RAP1GDS1: variants seen among roughly 807,000 people sequenced by gnomAD.
The protein encoded by RAP1GDS1 is RAP1, GTP-GDP dissociation stimulator 1.
RAP1GDS1 carries 35 observed loss-of-function variants against 71.1 expected under a neutral mutation model. The observed-to-expected ratio is 0.49, with a 90% CI of 0.38 to 0.65. The LOEUF (loss-of-function observed/expected upper bound fraction) is 0.65. RAP1GDS1 is among the 30% of genes least tolerant of loss of function. The pLI is 0.00. For synonymous variants in RAP1GDS1, 229 were observed against 243.1 expected, an observed-to-expected ratio of 0.94 and a Z score of 0.54; for missense variants, 663 against 706.1, an observed-to-expected ratio of 0.94 and a Z score of 0.69.
intron 1 of RAP1GDS1, among the ~76,000 whole-genome samples, chr4:98,274,177 A>C (rs1723880559): frequency 6.6e-6 from 1 of 152,164 alleles, no homozygotes; most frequent in African/African-American, 2.4e-5. Flanking sequence ...AATTTGCAGC[A>C]AATTTTAATT....
At chr4:98,281,295 C>A (rs976825418) in intron 1 of RAP1GDS1, among the ~76,000 whole-genome samples, 1 of 151,972 alleles carries the variant, frequency 6.6e-6, no homozygotes, top group East Asian at 1.9e-4. Context: ...TGTTGAGCAG[C>A]GGTTTGTAGT....
At chr4:98,355,873 A>G (rs1381482842) in intron 4 of RAP1GDS1, among the ~76,000 whole-genome samples, 1 of 152,118 alleles carries the variant, frequency 6.6e-6, no homozygotes, top group East Asian at 1.9e-4. Flanking sequence ...GTTGCTGATG[A>G]ACTTTTTGAA....
intron 1 of RAP1GDS1, among the ~76,000 whole-genome samples, chr4:98,282,762 T>C (rs1725338469): frequency 6.6e-6 from 1 of 152,208 alleles, no homozygotes; most frequent in Non-Finnish European, 1.5e-5. Context: ...CATTTAGTGC[T>C]ATACATTTCC....
chr4:98,415,016 TTGTC>T (rs1747723628), intron 7 of RAP1GDS1, among the ~76,000 whole-genome samples: 1 of 151,772 alleles, frequency 6.6e-6, no homozygotes, highest in East Asian at 1.9e-4. Context: ...GGCTCTCTGT[TTGTC>T]TGTTGTTGGT....
chr4:98,433,891 T>C, intron 12 of RAP1GDS1, 45 bp from the exon 13 acceptor site: 1 of 1,537,322 alleles, frequency 6.5e-7, no homozygotes, highest in South Asian at 1.2e-5. Flanking sequence ...ATGTTCCTTA[T>C]GTTTAAAATT....
intron 4 of RAP1GDS1, among the ~76,000 whole-genome samples, chr4:98,366,676 A>G (rs1216371339): frequency 6.6e-6 from 1 of 152,156 alleles, no homozygotes; most frequent in Admixed American, 6.5e-5. Flanking sequence ...TCAGATAGAA[A>G]TGAAAAACTT....
chr4:98,338,588 AACC>A (rs1735063083), intron 2 of RAP1GDS1, among the ~76,000 whole-genome samples: 2 of 152,094 alleles, frequency 1.3e-5, no homozygotes, highest in African/African-American at 4.8e-5. Context: ...CTTCAGTGAA[AACC>A]TGTCTTCTCA....
intron 12 of RAP1GDS1, among the ~76,000 whole-genome samples, chr4:98,425,487 G>T (rs1167574457): frequency 1.3e-5 from 2 of 152,114 alleles, no homozygotes; most frequent in Non-Finnish European, 2.9e-5. Flanking sequence ...GCCTTTAAGA[G>T]ACTTACCCAA....
At chr4:98,292,786 CTT>C (rs1227537346) in intron 1 of RAP1GDS1, among the ~76,000 whole-genome samples, 1 of 152,020 alleles carries the variant, frequency 6.6e-6, no homozygotes, top group East Asian at 1.9e-4. Context: ...TTCTCAATAA[CTT>C]TTAATAGTGT....
In RAP1GDS1 at chr4:98,261,449, C is replaced by G. The variant is rs537570921; in HGVS notation, c.-117C>G. 3 of 1,127,604 alleles carry G rather than the reference C, an allele frequency of 2.7e-6. No homozygotes were observed. The highest frequency in any genetic ancestry group is 1.6e-5 in the African/African-American group (1 of 61,872). The allele number at this position is 1,127,604 out of a possible 1,614,324, so 69.8% of individuals were successfully genotyped here. A position where few individuals can be genotyped will look rare whatever the true frequency, so the allele number is the denominator to read the frequency against. On this transcript the variant is annotated 5_prime_UTR_variant, in exon 1 of 15. Coordinates refer to ENST00000408927, the MANE Select transcript of RAP1GDS1 (RefSeq NM_001100427.2). ...GCTGCTCCTCCCCGGCGGCCGCCCC[C>G]CGCGGGTCCCTCCCTGGCTGCGGGA... is the stretch of plus-strand genomic sequence containing the variant.
chr4:98,401,568 CTG>C (rs770317794), intron 6 of RAP1GDS1, among the ~76,000 whole-genome samples: 5 of 152,126 alleles, frequency 3.3e-5, no homozygotes, highest in African/African-American at 4.8e-5. Flanking sequence ...GGAGAGGAAA[CTG>C]GAGTCTGCTG....
intron 7 of RAP1GDS1, among the ~76,000 whole-genome samples, chr4:98,408,090 T>A (rs960381418): frequency 6.9e-6 from 1 of 143,932 alleles, no homozygotes; most frequent in African/African-American, 2.7e-5. Context: ...CCCATATATT[T>A]TATATATATA....
chr4:98,367,933 A>G (rs1739763108), intron 4 of RAP1GDS1, among the ~76,000 whole-genome samples: 1 of 152,100 alleles, frequency 6.6e-6, no homozygotes, highest in Non-Finnish European at 1.5e-5. Context: ...ATGCTGAAAT[A>G]AGAATTTGGG....
At chr4:98,301,417 G>A (rs1367204723) in intron 2 of RAP1GDS1, among the ~76,000 whole-genome samples, 1 of 152,138 alleles carries the variant, frequency 6.6e-6, no homozygotes, top group Admixed American at 6.5e-5. Context: ...TAGGATGGTG[G>A]TGGCCTCCTA....
Position 98,416,372 on chromosome 4 carries a change from A to T in RAP1GDS1, c.764-373A>T, listed in dbSNP as rs1359734973. Among the ~76,000 whole-genome samples, 3 of 94,316 alleles carry T rather than the reference A, an allele frequency of 3.2e-5. No homozygotes were observed. The Admixed American group carries it at 4.8e-4, about 15-fold the overall frequency. 61.9% of individuals were successfully genotyped at this position (94,316 alleles called of 152,430 possible). A position where few individuals can be genotyped will look rare whatever the true frequency, so the allele number is the denominator to read the frequency against. ...TTTTTTTTTTTTTTTTTTGAGACAGAGTCTCGCTCTATTGCCCAGGCTGGA... is the reference window on the plus strand; with the variant it reads ...TTTTTTTTTTTTTTTTTTGAGACAGTGTCTCGCTCTATTGCCCAGGCTGGA... On this transcript the variant is annotated intron_variant, in intron 7 of 14. Coordinates refer to ENST00000408927, the MANE Select transcript of RAP1GDS1 (RefSeq NM_001100427.2).
At chr4:98,304,340 A>G (rs1396934885) in intron 2 of RAP1GDS1, among the ~76,000 whole-genome samples, 2 of 152,150 alleles carry the variant, frequency 1.3e-5, no homozygotes, top group East Asian at 3.9e-4. Flanking sequence ...CTATTTCTCC[A>G]CAGCCTTGCC....
chr4:98,316,284 A>G (rs948779842), intron 2 of RAP1GDS1, among the ~76,000 whole-genome samples: 4 of 152,172 alleles, frequency 2.6e-5, no homozygotes, highest in African/African-American at 9.7e-5. Context: ...TTGAAAGAAT[A>G]GAGTTTTCAA....
chr4:98,390,491 A>T (rs1238218361), intron 5 of RAP1GDS1, among the ~76,000 whole-genome samples: 1 of 152,020 alleles, frequency 6.6e-6, no homozygotes, highest in African/African-American at 2.4e-5. Flanking sequence ...TATTTTGGTA[A>T]TAGGCCCCTT....
rs189813173 is a variant in RAP1GDS1 at position 98,374,175 on chromosome 4, T to C, written c.362-4842T>C. 2.6e-5 allele frequency among the ~76,000 whole-genome samples: 4 copies of C among 152,320 alleles called. No individual in the cohort carries two copies. In the East Asian group the frequency reaches 7.7e-4, roughly 29 times the overall value. On this transcript the variant is annotated intron_variant, in intron 4 of 14. Transcript: ENST00000408927. ...TTTGCTATTTTCTTTCCTTCAGCTCTTGGGTGCTCTGGGTTATCCCACTCC... is the reference window on the plus strand; with the variant it reads ...TTTGCTATTTTCTTTCCTTCAGCTCCTGGGTGCTCTGGGTTATCCCACTCC...
Sources: gnomAD v4.1 joint callset for allele counts (sites outside exome capture counted in the v4.1 genomes callset) on GRCh38, gnomAD v4.1.1 for gene constraint, MANE v1.5 for transcripts, NCBI Gene and HGNC (gene_info 2026-07-23, HGNC 2026-07-21) for gene names.